Variants in GABRA5 observed in about 807,000 individuals in gnomAD.
GABRA5 encodes the protein gamma-aminobutyric acid receptor subunit alpha-5.
A neutral mutation model predicts 47.3 loss-of-function variants in GABRA5; 18 were observed. That is an observed-to-expected ratio of 0.38 (90% CI 0.26 to 0.56). The LOEUF is 0.56. Ranked by LOEUF, GABRA5 falls within the 20% of genes least tolerant of loss-of-function variation. GABRA5 has a pLI of 0.71. For missense variants in GABRA5, 365 were observed against 599.3 expected, an observed-to-expected ratio of 0.61 and a Z score of 4.08; for synonymous variants, 237 against 229.3, an observed-to-expected ratio of 1.03 and a Z score of -0.30.
At chr15:26,893,376 G>A (rs1475925190) in intron 6 of GABRA5, among the ~76,000 whole-genome samples, 1 of 760 alleles carries the variant, frequency 1.3e-3, no homozygotes, top group African/African-American at 6.3e-3. Context: ...AGCGTGTGGC[G>A]GGACTATATG....
chr15:26,883,034 C>T lies in GABRA5; in HGVS notation c.209-132C>T. The T allele has an allele frequency of 1.3e-6, 1 of 753,712 alleles. No individual in the cohort carries two copies. Among genetic ancestry groups the T allele is most frequent in the Non-Finnish European group, 2.4e-6 (1 of 413,730 alleles). The allele number at this position is 753,712 out of a possible 1,614,324, so 46.7% of individuals were successfully genotyped here. A position where few individuals can be genotyped will look rare whatever the true frequency, so the allele number is the denominator to read the frequency against. On this transcript the variant is annotated intron_variant, in intron 4 of 10. Transcript: ENST00000335625. The surrounding 1 kb of genome is among the most constrained non-coding windows in gnomAD (Gnocchi z 4.8). ...TTCATCTGGTAATTGTCAAGTCCTC[C>T]AAATTTACCAAACGCACTGCAAAAG... is the stretch of plus-strand genomic sequence containing the variant.
At position 26,889,372 on chromosome 15, in the gene GABRA5, C is replaced by CT. The variant is rs111749908; in HGVS notation, c.497+5827dup. ...TATTTTAATCTCCTAGAGCCACTGTCTTTTTTTTTTTTCTGGTTGGTTGGT... is the reference window on the plus strand; with the variant it reads ...TATTTTAATCTCCTAGAGCCACTGTCTTTTTTTTTTTTTCTGGTTGGTTGGT... On this transcript the variant is annotated intron_variant, in intron 6 of 10. Coordinates refer to ENST00000335625, the MANE Select transcript of GABRA5 (RefSeq NM_000810.4). Among the ~76,000 whole-genome samples, 842 of 145,038 alleles carry CT rather than the reference C, an allele frequency of 5.8e-3. 4 individuals are homozygous for CT. Among genetic ancestry groups the CT allele is most frequent in the African/African-American group, 0.017 (699 of 39,982 alleles).
intron 3 of GABRA5, among the ~76,000 whole-genome samples, chr15:26,874,956 C>T (rs1301918955): frequency 6.6e-6 from 1 of 152,198 alleles, no homozygotes; most frequent in Non-Finnish European, 1.5e-5. Flanking sequence ...TGCCCGGCTT[C>T]GATCTCTGTC....
chr15:26,882,539 T>C (rs1345585581), intron 4 of GABRA5, among the ~76,000 whole-genome samples: 1 of 152,182 alleles, frequency 6.6e-6, no homozygotes, highest in Non-Finnish European at 1.5e-5. Flanking sequence ...CCCCAAATAT[T>C]ATTAGCCACT....
chr15:26,918,172 A>G lies in GABRA5; in HGVS notation c.580+3287A>G, dbSNP rs552167439. Among the ~76,000 whole-genome samples the G allele has an allele frequency of 1.1e-3, 171 of 152,186 alleles. 1 individual carries two copies. The highest frequency in any genetic ancestry group is 3.9e-3 in the African/African-American group (160 of 41,536). ...TTTTCCTCTTGGTGCTGCTTTTCTT[A>G]GATGCCAATAAGTTTTGATATGCTG... On this transcript the variant is annotated intron_variant, in intron 7 of 10. Transcript: ENST00000335625.
At chr15:26,919,527 C>T (rs897862348) in intron 7 of GABRA5, among the ~76,000 whole-genome samples, 1 of 152,058 alleles carries the variant, frequency 6.6e-6, no homozygotes, top group African/African-American at 2.4e-5. Context: ...CTACTATTTC[C>T]CACACACTTA....
rs562090376 is a variant in GABRA5, at chr15:26,912,948, C to T, written c.498-1855C>T. On this transcript the variant is annotated intron_variant, in intron 6 of 10. Transcript: ENST00000335625. ...CTGTAATCCCAGCACCTTGGGAAGT[C>T]GAGGCTGGCAGATCACCTGAGGTCG... Among the ~76,000 whole-genome samples, 6 of 152,236 alleles carry T rather than the reference C, an allele frequency of 3.9e-5. No individual in the cohort carries two copies. In the South Asian group the frequency reaches 8.3e-4, roughly 21 times the overall value.
intron 6 of GABRA5, among the ~76,000 whole-genome samples, chr15:26,913,976 T>C (rs1893661743): frequency 6.6e-6 from 1 of 152,126 alleles, no homozygotes; most frequent in Non-Finnish European, 1.5e-5. Flanking sequence ...CTTTTCTTCT[T>C]TGTAAACTGA....
chr15:26,919,284 G>C (rs1893788839), intron 7 of GABRA5, among the ~76,000 whole-genome samples: 1 of 151,988 alleles, frequency 6.6e-6, no homozygotes, highest in South Asian at 2.1e-4. Context: ...TTGGCATTTT[G>C]GTAATTGTTT....
chr15:26,900,502 A>T (rs1441122710), intron 6 of GABRA5, among the ~76,000 whole-genome samples: 1 of 152,136 alleles, frequency 6.6e-6, no homozygotes, highest in East Asian at 1.9e-4. Flanking sequence ...GTCTTATAGC[A>T]ACGAACTCCC....
chr15:26,898,368 C>CAA (rs1893248307), intron 6 of GABRA5, among the ~76,000 whole-genome samples: 1 of 152,218 alleles, frequency 6.6e-6, no homozygotes. Context: ...CACTCACCCA[C>CAA]ACGCTTCAAC....
At chr15:26,885,987 G>A (rs1682164639) in intron 6 of GABRA5, among the ~76,000 whole-genome samples, 3 of 151,684 alleles carry the variant, frequency 2.0e-5, no homozygotes, top group African/African-American at 7.3e-5. Flanking sequence ...TCCAAAGCCT[G>A]AAAGGTGTAC....
rs561364839 is a variant in GABRA5 at position 26,889,541 on chromosome 15, A to C, written c.497+5984A>C. Among the ~76,000 whole-genome samples the C allele has an allele frequency of 4.9e-4, 74 of 152,338 alleles. 1 individual carries two copies. The Middle Eastern group carries it at 0.01, about 21-fold the overall frequency. ...ATTTTTGCTTCATGATTGGTAGTCAATATCAAATAGCATTAATAGGTAACT... is the reference window on the plus strand; with the variant it reads ...ATTTTTGCTTCATGATTGGTAGTCACTATCAAATAGCATTAATAGGTAACT... On this transcript the variant is annotated intron_variant, in intron 6 of 10. Transcript: ENST00000335625.
intron 7 of GABRA5, among the ~76,000 whole-genome samples, chr15:26,924,855 G>A (rs902491397): frequency 6.6e-6 from 1 of 152,094 alleles, no homozygotes; most frequent in African/African-American, 2.4e-5. Context: ...TTTCCAAGTT[G>A]CCAGCTTCTT....
At chr15:26,870,020 G>C (rs181542632) in intron 3 of GABRA5, among the ~76,000 whole-genome samples, 3 of 152,274 alleles carry the variant, frequency 2.0e-5, no homozygotes, top group Non-Finnish European at 4.4e-5. Flanking sequence ...TGAGGCTGCT[G>C]TTCCTGTTCT....
At chr15:26,932,582 A>G (rs1291899714) in intron 7 of GABRA5, among the ~76,000 whole-genome samples, 1 of 152,246 alleles carries the variant, frequency 6.6e-6, no homozygotes, top group Non-Finnish European at 1.5e-5. Flanking sequence ...CTAGAACCAG[A>G]AATACCATTT....
chr15:26,873,672 T>C (rs1049915634), intron 3 of GABRA5, among the ~76,000 whole-genome samples: 5 of 152,204 alleles, frequency 3.3e-5, no homozygotes, highest in African/African-American at 9.7e-5. Flanking sequence ...ACTCATGATA[T>C]CTTTTTAAAT....
intron 6 of GABRA5, among the ~76,000 whole-genome samples, chr15:26,889,040 T>C (rs1892944217): frequency 6.6e-6 from 1 of 152,246 alleles, no homozygotes; most frequent in Non-Finnish European, 1.5e-5. Flanking sequence ...AATGTTGACA[T>C]TTTTACATTG....
intron 8 of GABRA5, chr15:26,939,461 C>A: frequency 1.3e-6 from 1 of 756,562 alleles, no homozygotes; most frequent in Non-Finnish European, 2.4e-6. Context: ...GCGACACAGC[C>A]AGCACAGGGC....
Sources: gnomAD v4.1 joint callset for allele counts (sites outside exome capture counted in the v4.1 genomes callset) on GRCh38, gnomAD v4.1.1 for gene constraint, Gnocchi (gnomAD v3.1) non-coding constraint, MANE v1.5 for transcripts, NCBI Gene and HGNC (gene_info 2026-07-23, HGNC 2026-07-21) for gene names.